GXYLT2: variants seen among roughly 807,000 people sequenced by gnomAD.
GXYLT2 encodes glycosyltransferase 8 domain containing 4.
A neutral mutation model predicts 45.8 loss-of-function variants in GXYLT2; 53 were observed. The ratio of observed to expected loss-of-function variants is 1.16; its 90% CI spans 0.93 to 1.46. The LOEUF (loss-of-function observed/expected upper bound fraction) is 1.46. Among genes scored for constraint, GXYLT2 ranks in the 40% most tolerant of loss-of-function variants. The pLI, the probability that GXYLT2 is intolerant of heterozygous loss-of-function variation, is 0.00. For synonymous variants in GXYLT2, 219 were observed against 214.2 expected (o/e 1.02, Z -0.19); for missense variants, 551 against 544.4 (o/e 1.01, Z -0.12).
At chr3:72,941,887 T>C (rs1284218630) in intron 3 of GXYLT2, among the ~76,000 whole-genome samples, 3 of 152,136 alleles carry the variant, frequency 2.0e-5, no homozygotes, top group Non-Finnish European at 4.4e-5. Context: ...GTTAGGAGGC[T>C]AGAAGCAGTG....
intron 3 of GXYLT2, among the ~76,000 whole-genome samples, chr3:72,947,013 T>A (rs1575806647): frequency 1.3e-5 from 2 of 151,860 alleles, no homozygotes; most frequent in Admixed American, 1.3e-4. Context: ...ATTGCTATTA[T>A]TACTATTATT....
In GXYLT2 at chr3:72,975,069, G is replaced by C. The variant is rs764633152; in HGVS notation, c.1242G>C (p.Pro414=). 1.9e-5 allele frequency: 30 copies of C among 1,613,174 alleles called. No individual in the cohort carries two copies. Among genetic ancestry groups the C allele is most frequent in the African/African-American group, 2.7e-5 (2 of 74,850 alleles). The part of the protein sequence containing the change: ...ETVHTLCGRI[P]QVFLKQIEKT... The stretch of plus-strand genomic sequence containing the variant: ...TGCACACTTTATGTGGACGAATCCC[G>C]CAAGTTTTTCTGAAGCAAATTGAGA... The change falls in exon 7 of 7, where the codon CCG becomes CCC. Residue 414 remains proline (P), a synonymous_variant. Transcript: ENST00000389617.
At chr3:72,911,356 T>C (rs1429022212) in intron 2 of GXYLT2, among the ~76,000 whole-genome samples, 1 of 152,158 alleles carries the variant, frequency 6.6e-6, no homozygotes, top group Non-Finnish European at 1.5e-5. Flanking sequence ...TAGCAGGTTG[T>C]ACTTTCCAAG....
chr3:72,916,316 A>AAAAAAAAAAAG (rs1488992311), intron 2 of GXYLT2, among the ~76,000 whole-genome samples: 1 of 148,270 alleles, frequency 6.7e-6, no homozygotes, highest in Admixed American at 6.8e-5. Context: ...AACTTTAGGA[A>AAAAAAAAAAAG]AAAAAAAAAA....
intron 3 of GXYLT2, among the ~76,000 whole-genome samples, chr3:72,930,954 C>G (rs545668576): frequency 5.9e-5 from 9 of 152,208 alleles, no homozygotes; most frequent in African/African-American, 1.9e-4. Context: ...AATAGAAGAA[C>G]AACACCATAA....
At chr3:72,958,421 G>C (rs1309250953) in intron 5 of GXYLT2, among the ~76,000 whole-genome samples, 5 of 151,962 alleles carry the variant, frequency 3.3e-5, no homozygotes, top group Admixed American at 3.3e-4. Flanking sequence ...GACTTTGCCT[G>C]TGTTTGTTTG....
In GXYLT2 at chr3:72,975,926, C is replaced by CTTTTTTTTTTTT. The variant is rs200250227; in HGVS notation, c.*779_*790dup. ...GGGTATTTCTTCTTTTTCTTTCTTTCTTTTTTTTTTTTTTTTTTTTTTTGA... is the reference window on the plus strand; with the variant it reads ...GGGTATTTCTTCTTTTTCTTTCTTTCTTTTTTTTTTTTTTTTTTTTTTTTTTTTTTTTTTTGA... On this transcript the variant is annotated 3_prime_UTR_variant, in exon 7 of 7. Transcript: ENST00000389617. 2 of 119,538 alleles carry CTTTTTTTTTTTT rather than the reference C, an allele frequency of 1.7e-5. No individual in the cohort carries two copies. The highest frequency in any genetic ancestry group is 3.3e-5 in the African/African-American group (1 of 30,560). 7.4% of individuals were successfully genotyped at this position (119,538 alleles called of 1,614,324 possible). A position where few individuals can be genotyped will look rare whatever the true frequency, so the allele number is the denominator to read the frequency against.
At chr3:72,890,250 G>T (rs1310107100) in intron 1 of GXYLT2, among the ~76,000 whole-genome samples, 1 of 152,190 alleles carries the variant, frequency 6.6e-6, no homozygotes, top group Non-Finnish European at 1.5e-5. Context: ...TCAAAGTGTG[G>T]ACTTCAGACC....
At chr3:72,895,965 C>G (rs573270105) in intron 1 of GXYLT2, among the ~76,000 whole-genome samples, 1 of 152,140 alleles carries the variant, frequency 6.6e-6, no homozygotes, top group East Asian at 1.9e-4. Flanking sequence ...AAATATGGCT[C>G]TCTTTTATGA....
intron 3 of GXYLT2, among the ~76,000 whole-genome samples, chr3:72,954,573 T>C (rs918765717): frequency 6.6e-5 from 10 of 151,130 alleles, no homozygotes; most frequent in South Asian, 4.2e-4. Context: ...CCACTTCAGG[T>C]TGCAGTAAGC....
chr3:72,908,480 C>G lies in GXYLT2; in HGVS notation c.389C>G (p.Ser130Ter), dbSNP rs1324377562. Residue 130 changes from serine to a stop codon, truncating the protein, a stop_gained, in exon 2 of 7, where the codon TCA becomes TGA. Coordinates refer to ENST00000389617, the MANE Select transcript of GXYLT2 (RefSeq NM_001080393.2). LOFTEE classifies it high-confidence loss of function. The stretch of plus-strand genomic sequence containing the variant: ...GAGGAGACGCTGGTCATGCTCAAAT[C>G]AGCTGTGCTTTTTAGCCACAGGAAG... Reference protein sequence around the residue: ...RLEETLVMLKSAVLFSHRKIQ... With the variant: ...RLEETLVMLK The G allele has an allele frequency of 6.2e-7, 1 of 1,613,980 alleles. No homozygotes were observed. The highest frequency in any genetic ancestry group is 8.5e-7 in the Non-Finnish European group (1 of 1,179,880).
intron 3 of GXYLT2, among the ~76,000 whole-genome samples, chr3:72,951,594 C>G (rs538658154): frequency 6.6e-6 from 1 of 152,266 alleles, no homozygotes; most frequent in Non-Finnish European, 1.5e-5. Flanking sequence ...GACTTGAACT[C>G]AGGAATACCA....
intron 5 of GXYLT2, among the ~76,000 whole-genome samples, chr3:72,959,089 T>A (rs1025557366): frequency 1.4e-5 from 2 of 141,380 alleles, no homozygotes; most frequent in Non-Finnish European, 3.0e-5. Context: ...ACTATAGGTG[T>A]GCATCACCAC....
intron 3 of GXYLT2, among the ~76,000 whole-genome samples, chr3:72,951,671 G>A (rs1451518132): frequency 2.0e-5 from 3 of 152,124 alleles, no homozygotes; most frequent in Admixed American, 6.6e-5. Context: ...CTACTTTTGT[G>A]TGTTCCTTTG....
Position 72,955,330 on chromosome 3 carries a change from T to G in GXYLT2, c.833T>G (p.Ile278Arg), listed in dbSNP as rs1710620175. The change falls in exon 4 of 7, where the codon ATA becomes AGA. Residue 278 changes from isoleucine (I) to arginine (R), a missense_variant. Coordinates refer to ENST00000389617, the MANE Select transcript of GXYLT2 (RefSeq NM_001080393.2). ...SGVMLMNLTR[I>R]RSTQFKNSMI... Reference sequence around the variant, plus strand: ...GTCATGTTAATGAATTTAACTCGGATAAGAAGTACCCAGTTCAAGGTAAAC... The same window carrying G: ...GTCATGTTAATGAATTTAACTCGGAGAAGAAGTACCCAGTTCAAGGTAAAC... 1 of 1,613,950 alleles carries G rather than the reference T, an allele frequency of 6.2e-7. No individual in the cohort carries two copies. Among genetic ancestry groups the G allele is most frequent in the Non-Finnish European group, 8.5e-7 (1 of 1,179,860 alleles).
chr3:72,888,122 GC>G lies in GXYLT2; in HGVS notation c.-111del. 1.4e-6 allele frequency: 1 copy of G among 714,324 alleles called. No individual in the cohort carries two copies. Among genetic ancestry groups the G allele is most frequent in the Non-Finnish European group, 1.7e-6 (1 of 583,968 alleles). 44.2% of individuals were successfully genotyped at this position (714,324 alleles called of 1,614,324 possible). On this transcript the variant is annotated 5_prime_UTR_variant, in exon 1 of 7. Transcript: ENST00000389617. ...CCGGCCGCCACGACCCCAGTCCCCGGCGGGCGGGCGGAGGAGGCGACCGCCG... is the reference window on the plus strand; with the variant it reads ...CCGGCCGCCACGACCCCAGTCCCCGGGGGCGGGCGGAGGAGGCGACCGCCG...
intron 2 of GXYLT2, among the ~76,000 whole-genome samples, chr3:72,911,020 G>T (rs1056629235): frequency 1.3e-5 from 2 of 151,962 alleles, no homozygotes; most frequent in Non-Finnish European, 2.9e-5. Context: ...GGCCAGGCGT[G>T]GTGGCTCACA....
chr3:72,957,671 A>T (rs908330871), intron 5 of GXYLT2, among the ~76,000 whole-genome samples: 7 of 152,210 alleles, frequency 4.6e-5, no homozygotes, highest in Non-Finnish European at 2.9e-5. Context: ...AAATGGAAAT[A>T]TTATAATCTA....
rs1502755 is a variant in GXYLT2 at position 72,922,190 on chromosome 3, C to T, written c.469-14C>T. ...GGGCCTAATCACCCTTCCCTTGCTT[C>T]CCATGTTTTTCAGTTACGCCAGTGG... is the stretch of plus-strand genomic sequence containing the variant. On this transcript the variant is annotated splice_polypyrimidine_tract_variant and intron_variant, in intron 2 of 6. Transcript: ENST00000389617. 0.13 allele frequency: 209,902 copies of T among 1,608,874 alleles called. 25,785 individuals are homozygous for T. The highest frequency in any genetic ancestry group is 0.67 in the African/African-American group (49,686 of 74,544).
Sources: gnomAD v4.1 joint callset for allele counts (sites outside exome capture counted in the v4.1 genomes callset) on GRCh38, gnomAD v4.1.1 for gene constraint, MANE v1.5 for transcripts, NCBI Gene and HGNC (gene_info 2026-07-23, HGNC 2026-07-21) for gene names.